IMMP2L: variants seen among roughly 807,000 people sequenced by gnomAD.
The protein encoded by IMMP2L is mitochondrial inner membrane protease subunit 2.
In IMMP2L, 18 loss-of-function variants were observed where a neutral mutation model predicts 19.3. The ratio of observed to expected loss-of-function variants is 0.93; its 90% CI spans 0.64 to 1.38. IMMP2L has a LOEUF of 1.38. Among genes scored for constraint, IMMP2L ranks in the 40% most tolerant of loss-of-function variants. The pLI is 0.00. For missense variants in IMMP2L, 233 were observed against 218.2 expected (o/e 1.07, Z -0.43); for synonymous variants, 76 against 73.0 (o/e 1.04, Z -0.21).
chr7:111,305,347 G>T (rs942930322), intron 3 of IMMP2L, among the ~76,000 whole-genome samples: 2 of 152,104 alleles, frequency 1.3e-5, no homozygotes, highest in Non-Finnish European at 2.9e-5. Flanking sequence ...TATTTTTTTT[G>T]AGATGGAGTC....
intron 3 of IMMP2L, among the ~76,000 whole-genome samples, chr7:111,201,424 G>A (rs540469651): frequency 6.6e-6 from 1 of 152,162 alleles, no homozygotes; most frequent in Non-Finnish European, 1.5e-5. Context: ...ATAGTATTAA[G>A]AGGTGGAGCC....
intron 3 of IMMP2L, among the ~76,000 whole-genome samples, chr7:111,306,245 C>T (rs1354338663): frequency 5.9e-5 from 9 of 152,092 alleles, no homozygotes; most frequent in Non-Finnish European, 5.9e-5. Context: ...CATGTTATTA[C>T]AAACTTGTCC....
intron 3 of IMMP2L, among the ~76,000 whole-genome samples, chr7:111,150,977 A>T (rs1191640442): frequency 6.6e-6 from 1 of 152,166 alleles, no homozygotes; most frequent in Non-Finnish European, 1.5e-5. Context: ...GCTGTTTCCC[A>T]CCAGAGAACT....
At chr7:111,479,900 T>C (rs540351979) in intron 3 of IMMP2L, among the ~76,000 whole-genome samples, 2 of 152,230 alleles carry the variant, frequency 1.3e-5, no homozygotes, top group East Asian at 3.9e-4. Context: ...GTATAACTCC[T>C]ATGGTTACAT....
intron 4 of IMMP2L, among the ~76,000 whole-genome samples, chr7:110,899,766 GGAGTTATGGATCA>G (rs1361383637): frequency 6.6e-6 from 1 of 152,146 alleles, no homozygotes; most frequent in Non-Finnish European, 1.5e-5. Context: ...AAGCATGAAA[GGAGTTATGGATCA>G]GAGCACCTGT....
At position 111,441,996 on chromosome 7, in the gene IMMP2L, G is replaced by T. The variant is rs531576037; in HGVS notation, c.239+45242C>A. 1.3e-4 allele frequency among the ~76,000 whole-genome samples: 20 copies of T among 151,800 alleles called. 1 individual carries two copies. The East Asian group carries it at 3.9e-3, about 29-fold the overall frequency. ...TACTAAAAATACAAAAATTAGCTGGGTGTGGTGGTGCGTGCCTGTTATCCC... is the reference window on the plus strand; with the variant it reads ...TACTAAAAATACAAAAATTAGCTGGTTGTGGTGGTGCGTGCCTGTTATCCC... On this transcript the variant is annotated intron_variant, in intron 3 of 5. Transcript: ENST00000405709.
chr7:111,257,954 T>G (rs1587085513), intron 3 of IMMP2L, among the ~76,000 whole-genome samples: 1 of 150,532 alleles, frequency 6.6e-6, no homozygotes, highest in Non-Finnish European at 1.5e-5. Context: ...CCAACAGGCC[T>G]CGGTGTGTGA....
At chr7:111,489,516 G>A (rs1295066351) in intron 2 of IMMP2L, among the ~76,000 whole-genome samples, 1 of 152,118 alleles carries the variant, frequency 6.6e-6, no homozygotes, top group South Asian at 2.1e-4. Context: ...CAACAACCAG[G>A]GCAGAAGCAA....
rs368014429 is a variant in IMMP2L, at chr7:110,826,126, G to A, written c.408+60467C>T. Reference sequence around the variant, plus strand: ...GGCCATCAGAGAAATGCAAATCAAAGCCACAATGAGATACCATCTCACACC... The same window carrying A: ...GGCCATCAGAGAAATGCAAATCAAAACCACAATGAGATACCATCTCACACC... On this transcript the variant is annotated intron_variant, in intron 5 of 5. Transcript: ENST00000405709. Among the ~76,000 whole-genome samples, 1,382 of 152,154 alleles carry A rather than the reference G, an allele frequency of 9.1e-3. 6 individuals are homozygous for A. The highest frequency in any genetic ancestry group is 0.013 in the Admixed American group (196 of 15,266).
intron 2 of IMMP2L, among the ~76,000 whole-genome samples, chr7:111,508,574 T>A (rs1845151659): frequency 6.6e-6 from 1 of 152,138 alleles, no homozygotes; most frequent in African/African-American, 2.4e-5. Context: ...AGGGGTATGG[T>A]TCCCCTATCT....
intron 3 of IMMP2L, among the ~76,000 whole-genome samples, chr7:111,352,938 C>G (rs1014610815): frequency 1.3e-5 from 2 of 152,146 alleles, no homozygotes; most frequent in African/African-American, 2.4e-5. Context: ...CCTTGTTCTG[C>G]CCAAAAGTGC....
chr7:111,347,803 C>G (rs1827723130), intron 3 of IMMP2L, among the ~76,000 whole-genome samples: 4 of 151,990 alleles, frequency 2.6e-5, no homozygotes, highest in Admixed American at 2.6e-4. Flanking sequence ...TTTCAAGGCC[C>G]AATTCCATTG....
intron 3 of IMMP2L, among the ~76,000 whole-genome samples, chr7:111,083,867 G>C (rs1328260289): frequency 6.6e-6 from 1 of 152,132 alleles, no homozygotes; most frequent in Admixed American, 6.5e-5. Flanking sequence ...CTATTTCATT[G>C]TGGTTTGTGG....
chr7:111,411,497 G>A, intron 3 of IMMP2L: 3 of 446,906 alleles, frequency 6.7e-6, no homozygotes, highest in South Asian at 5.1e-5. Flanking sequence ...GGGCTGTATT[G>A]ACATTATGGA....
chr7:110,997,374 G>T (rs1363278754), intron 3 of IMMP2L, among the ~76,000 whole-genome samples: 1 of 151,910 alleles, frequency 6.6e-6, no homozygotes, highest in East Asian at 1.9e-4. Flanking sequence ...TCAGATGTTT[G>T]TATCAATGTA....
chr7:110,786,900 A>C (rs751513118), intron 5 of IMMP2L, among the ~76,000 whole-genome samples: 1 of 152,060 alleles, frequency 6.6e-6, no homozygotes, highest in African/African-American at 2.4e-5. Context: ...ATAATGAAAA[A>C]TAACACAGCT....
intron 5 of IMMP2L, among the ~76,000 whole-genome samples, chr7:110,697,925 G>A (rs956443554): frequency 3.9e-5 from 6 of 152,172 alleles, no homozygotes; most frequent in Non-Finnish European, 8.8e-5. Flanking sequence ...ATACATGTAA[G>A]ATTCCCTATT....
intron 4 of IMMP2L, among the ~76,000 whole-genome samples, chr7:110,933,703 T>G (rs1269930162): frequency 6.6e-6 from 1 of 152,196 alleles, no homozygotes; most frequent in African/African-American, 2.4e-5. Context: ...ATAATGCCTG[T>G]GGGCTCTAAC....
intron 3 of IMMP2L, among the ~76,000 whole-genome samples, chr7:110,975,110 G>C (rs772604563): frequency 2.0e-5 from 3 of 151,994 alleles, no homozygotes; most frequent in Non-Finnish European, 4.4e-5. Flanking sequence ...CTAATCACAT[G>C]ATCATTATCC....
Sources: allele counts gnomAD v4.1 joint callset (sites outside exome capture counted in the v4.1 genomes callset), GRCh38; gene constraint gnomAD v4.1.1; transcripts MANE v1.5; gene names NCBI Gene and HGNC (gene_info 2026-07-23, HGNC 2026-07-21).